The following TRPC5OS variants were observed in gnomAD, a reference collection of about 807,000 sequenced individuals.
TRPC5OS encodes putative uncharacterized protein TRPC5OS.
For missense variants in TRPC5OS, 64 were observed against 79.3 expected, an observed-to-expected ratio of 0.81 and a Z score of 0.73; for synonymous variants, 30 against 29.3, an observed-to-expected ratio of 1.02 and a Z score of -0.08.
rs73639663 is a variant in TRPC5OS, at chrX:111,879,027, G to T, written c.-546+2754G>T. ...GATCCGGAATATCAAAGTTAAGCTA[G>T]AAAGAGGTCTAGTTACAGCAGCGGT... On this transcript the variant is annotated intron_variant, in intron 1 of 3. Transcript: ENST00000635763. Among the ~76,000 whole-genome samples, 1,103 of 112,198 alleles carry T rather than the reference G, an allele frequency of 9.8e-3. 12 individuals carry two copies. The highest frequency in any genetic ancestry group is 0.034 in the African/African-American group (1,057 of 30,877).
chrX:111,885,556 T>A (rs6642505), intron 1 of TRPC5OS, among the ~76,000 whole-genome samples: 46,662 of 107,160 alleles, frequency 0.44, 9,153 homozygotes, highest in East Asian at 0.87. Context: ...TTTTTTTTTT[T>A]TAAAAAAAGA....
At position 111,895,222 on chromosome X, in the gene TRPC5OS, C is replaced by T. The variant is rs189875790; in HGVS notation, c.-545-729C>T. ...ATTGTCAGTCTTTTTCATTTTAGCT[C>T]TTCTGGTGGGTTTTGCATATCTCAT... On this transcript the variant is annotated intron_variant, in intron 1 of 3. Coordinates refer to ENST00000635763, the MANE Select transcript of TRPC5OS (RefSeq NM_001195578.2). 2.2e-4 allele frequency among the ~76,000 whole-genome samples: 25 copies of T among 111,474 alleles called. No individual in the cohort carries two copies. The Admixed American group carries it at 2.4e-3, about 11-fold the overall frequency.
In TRPC5OS at chrX:111,901,679, C is replaced by T. The variant is rs924699541; in HGVS notation, c.-171C>T. ...AACATCATCAAAAAGTTATATTGTTCTACTGTTCTCATTCTTTACTTGATC... is the reference window on the plus strand; with the variant it reads ...AACATCATCAAAAAGTTATATTGTTTTACTGTTCTCATTCTTTACTTGATC... On this transcript the variant is annotated 5_prime_UTR_variant, in exon 4 of 4. Transcript: ENST00000635763. 1 of 387,822 alleles carries T rather than the reference C, an allele frequency of 2.6e-6. No homozygotes were observed. The highest frequency in any genetic ancestry group is 2.6e-5 in the African/African-American group (1 of 38,909). The allele number at this position is 387,822 out of a possible 1,213,427, so 32.0% of individuals were successfully genotyped here.
chrX:111,876,080 G>A (rs1455420878), upstream of TRPC5OS: 2 of 110,623 alleles, frequency 1.8e-5, no homozygotes, highest in East Asian at 2.8e-4. Context: ...AACAAAAACT[G>A]CAGGACCATA....
At chrX:111,894,733 AT>A (rs71710331) in intron 1 of TRPC5OS, among the ~76,000 whole-genome samples, 16,310 of 110,630 alleles carry the variant, frequency 0.15, 2,128 homozygotes, top group African/African-American at 0.42. Context: ...AAATAAAACT[AT>A]TTTTTTTGAG....
intron 1 of TRPC5OS, among the ~76,000 whole-genome samples, chrX:111,893,973 G>A (rs1278239197): frequency 1.8e-5 from 2 of 111,759 alleles, no homozygotes; most frequent in Non-Finnish European, 3.8e-5. Flanking sequence ...TCCTCAAGGG[G>A]TGAAGAGGGT....
At chrX:111,896,976 G>T (rs766145466) in intron 3 of TRPC5OS, among the ~76,000 whole-genome samples, 2 of 112,049 alleles carry the variant, frequency 1.8e-5, no homozygotes, top group South Asian at 7.4e-4. Flanking sequence ...AATCCAAAAC[G>T]TTTTGAGCAC....
chrX:111,901,702 A>T lies in TRPC5OS; in HGVS notation c.-148A>T. 1 of 414,065 alleles carries T rather than the reference A, an allele frequency of 2.4e-6. No homozygotes were observed. The highest frequency in any genetic ancestry group is 5.2e-5 in the South Asian group (1 of 19,233). The allele number at this position is 414,065 out of a possible 1,213,427, so 34.1% of individuals were successfully genotyped here. On this transcript the variant is annotated 5_prime_UTR_variant, in exon 4 of 4. Transcript: ENST00000635763. ...TTCTACTGTTCTCATTCTTTACTTG[A>T]TCACCATCATAATCATATCAACATC...
intron 3 of TRPC5OS, among the ~76,000 whole-genome samples, chrX:111,901,073 A>C (rs967531142): frequency 9.0e-6 from 1 of 111,507 alleles, no homozygotes; most frequent in South Asian, 3.7e-4. Context: ...TAGTTTTATA[A>C]CTGAAATTCT....
intron 1 of TRPC5OS, among the ~76,000 whole-genome samples, chrX:111,877,985 G>A (rs1924034890): frequency 9.0e-6 from 1 of 111,349 alleles, no homozygotes; most frequent in Non-Finnish European, 1.9e-5. Flanking sequence ...ATTTTCTATG[G>A]AGTCCTGAAA....
chrX:111,888,693 CAAAAAAAAAAAA>C (rs753735549), intron 1 of TRPC5OS, among the ~76,000 whole-genome samples: 2 of 10,985 alleles, frequency 1.8e-4, no homozygotes, highest in Non-Finnish European at 4.2e-4. Flanking sequence ...GACTCTATCT[CAAAAAAAAAAAA>C]AAAAAAAAAA....
intron 1 of TRPC5OS, among the ~76,000 whole-genome samples, chrX:111,881,521 T>A (rs1361119016): frequency 9.0e-6 from 1 of 111,565 alleles, no homozygotes; most frequent in Non-Finnish European, 1.9e-5. Flanking sequence ...AATGTCGGTG[T>A]CCTAGAAGAA....
chrX:111,888,149 A>G (rs1924594937), intron 1 of TRPC5OS, among the ~76,000 whole-genome samples: 1 of 111,687 alleles, frequency 9.0e-6, no homozygotes, highest in Non-Finnish European at 1.9e-5. Context: ...TAAAGAACCT[A>G]AAGAGGAAGT....
chrX:111,893,975 G>A (rs1189929540), intron 1 of TRPC5OS, among the ~76,000 whole-genome samples: 1 of 111,841 alleles, frequency 8.9e-6, no homozygotes, highest in South Asian at 3.8e-4. Context: ...CTCAAGGGGT[G>A]AAGAGGGTAA....
Position 111,876,214 on chromosome X carries a change from A to G in TRPC5OS, c.-605A>G, listed in dbSNP as rs978876130. ...GGTAAGCCTTTGGATTACAGCTCTGATGTTTCTGGTAGCCATCTTTTTCTA... is the reference window on the plus strand; with the variant it reads ...GGTAAGCCTTTGGATTACAGCTCTGGTGTTTCTGGTAGCCATCTTTTTCTA... On this transcript the variant is annotated 5_prime_UTR_variant, in exon 1 of 4. It removes an upstream start codon present in the reference 5' UTR. Transcript: ENST00000635763. 9.0e-6 allele frequency: 1 copy of G among 110,904 alleles called. No individual in the cohort carries two copies. The highest frequency in any genetic ancestry group is 1.9e-5 in the Non-Finnish European group (1 of 52,940). The allele number at this position is 110,904 out of a possible 1,213,427, so 9.1% of individuals were successfully genotyped here. A position where few individuals can be genotyped will look rare whatever the true frequency, so the allele number is the denominator to read the frequency against.
intron 1 of TRPC5OS, among the ~76,000 whole-genome samples, chrX:111,885,587 G>A (rs189296126): frequency 3.7e-5 from 4 of 108,486 alleles, no homozygotes; most frequent in Admixed American, 2.9e-4. Context: ...TTGTCTTGGA[G>A]TTCATGGCTT....
Position 111,902,773 on chromosome X carries a change from T to G in TRPC5OS, c.*588T>G, listed in dbSNP as rs1925415683. 9.0e-6 allele frequency: 1 copy of G among 111,126 alleles called. No homozygotes were observed. Among genetic ancestry groups the G allele is most frequent in the African/African-American group, 3.3e-5 (1 of 30,565 alleles). The allele number at this position is 111,126 out of a possible 1,213,427, so 9.2% of individuals were successfully genotyped here. ...ACCAGATAATAAAAGTGAAGAAAGG[T>G]TTTCAAATGACTGTTGCCAAGGAGA... On this transcript the variant is annotated 3_prime_UTR_variant, in exon 4 of 4. Coordinates refer to ENST00000635763, the MANE Select transcript of TRPC5OS (RefSeq NM_001195578.2).
intron 1 of TRPC5OS, among the ~76,000 whole-genome samples, chrX:111,887,423 T>C (rs1924560250): frequency 8.9e-6 from 1 of 112,098 alleles, no homozygotes; most frequent in African/African-American, 3.2e-5. Context: ...TTCAAGGCAC[T>C]GGGTTAGTGG....
intron 1 of TRPC5OS, among the ~76,000 whole-genome samples, chrX:111,881,470 C>A (rs931408503): frequency 1.8e-5 from 2 of 111,728 alleles, no homozygotes; most frequent in African/African-American, 6.5e-5. Context: ...GCCACTGGGC[C>A]TGGCCCGCTA....
Sources: allele counts gnomAD v4.1 joint callset (sites outside exome capture counted in the v4.1 genomes callset), GRCh38; gene constraint gnomAD v4.1.1; transcripts MANE v1.5; gene names NCBI Gene and HGNC (gene_info 2026-07-23, HGNC 2026-07-21).